Variants in CTNNA2 observed in about 807,000 individuals in gnomAD.
CTNNA2 encodes the protein catenin alpha 2, also known as catenin alpha-2.
In CTNNA2, 42 loss-of-function variants were observed where a neutral mutation model predicts 101.0. The observed-to-expected ratio is 0.42, with a 90% CI of 0.32 to 0.54. The LOEUF is 0.54. Among genes scored for constraint, CTNNA2 ranks in the 20% least tolerant of loss-of-function variants. The probability of loss-of-function intolerance (pLI) is 0.14; values close to 1 mark genes in which losing one functional copy is unlikely to be tolerated. For synonymous variants in CTNNA2, 450 were observed against 456.4 expected, an observed-to-expected ratio of 0.99 and a Z score of 0.18; for missense variants, 871 against 1,223.1, an observed-to-expected ratio of 0.71 and a Z score of 4.29.
chr2:79,817,363 A>C (rs990582325), intron 3 of CTNNA2, among the ~76,000 whole-genome samples: 6 of 125,236 alleles, frequency 4.8e-5, no homozygotes, highest in Non-Finnish European at 6.3e-5. Context: ...GAGTTAAATC[A>C]GTGACTAAAT....
intron 1 of CTNNA2, among the ~76,000 whole-genome samples, chr2:79,636,565 G>A (rs906188413): frequency 6.6e-6 from 1 of 152,022 alleles, no homozygotes; most frequent in African/African-American, 2.4e-5. Flanking sequence ...ATTTCTGTGT[G>A]ATGAAATAAG....
At chr2:79,786,448 G>A (rs4350772) in intron 3 of CTNNA2, among the ~76,000 whole-genome samples, 27,175 of 151,792 alleles carry the variant, frequency 0.18, 4,304 homozygotes, top group African/African-American at 0.41. Context: ...TGAAACACAC[G>A]TCTTATTTTT....
At chr2:80,574,420 G>A in intron 13 of CTNNA2, 106 bp downstream of exon 13, 1 of 1,334,302 alleles carries the variant, frequency 7.5e-7, no homozygotes, top group Non-Finnish European at 9.9e-7. Flanking sequence ...AGTTTAACTT[G>A]GTAAGCTGTT....
intron 4 of CTNNA2, among the ~76,000 whole-genome samples, chr2:79,446,570 C>T (rs530949509): frequency 6.2e-4 from 94 of 152,196 alleles, no homozygotes; most frequent in Admixed American, 1.0e-3. Context: ...CTTGCCAAGG[C>T]TGCTCAAAGC....
At chr2:80,244,151 G>C (rs1671150738) in intron 7 of CTNNA2, among the ~76,000 whole-genome samples, 1 of 152,230 alleles carries the variant, frequency 6.6e-6, no homozygotes, top group Admixed American at 6.5e-5. Flanking sequence ...GCAGTATAGT[G>C]TTTGTCAGAA....
At chr2:79,729,853 C>G (rs1278416254) in intron 2 of CTNNA2, among the ~76,000 whole-genome samples, 1 of 151,988 alleles carries the variant, frequency 6.6e-6, no homozygotes, top group Non-Finnish European at 1.5e-5. Context: ...ATTTTACCAG[C>G]AGTTTGTAAT....
At chr2:80,585,111 T>TG (rs1162756033) in intron 14 of CTNNA2, among the ~76,000 whole-genome samples, 2 of 150,778 alleles carry the variant, frequency 1.3e-5, no homozygotes, top group East Asian at 3.9e-4. Flanking sequence ...GTTAGCCTCT[T>TG]GCTCTAGGCT....
chr2:80,423,968 T>C (rs1164563580), intron 9 of CTNNA2, among the ~76,000 whole-genome samples: 4 of 152,130 alleles, frequency 2.6e-5, no homozygotes, highest in African/African-American at 4.8e-5. Context: ...CGTTCTTTTT[T>C]TTTTTGAGAT....
At chr2:80,320,747 A>G (rs1175872780) in intron 7 of CTNNA2, among the ~76,000 whole-genome samples, 2 of 152,244 alleles carry the variant, frequency 1.3e-5, no homozygotes, top group African/African-American at 2.4e-5. Flanking sequence ...TATTTTATGT[A>G]TATATTTTAA....
At chr2:79,218,226 G>A (rs1394173903) in intron 2 of CTNNA2, among the ~76,000 whole-genome samples, 2 of 152,042 alleles carry the variant, frequency 1.3e-5, no homozygotes, top group African/African-American at 4.8e-5. Context: ...CTGCCCAAAG[G>A]CAGGAAGTGG....
At chr2:79,801,379 T>C (rs995275610) in intron 3 of CTNNA2, among the ~76,000 whole-genome samples, 7 of 152,176 alleles carry the variant, frequency 4.6e-5, no homozygotes, top group Non-Finnish European at 8.8e-5. Context: ...TAGTGGATAG[T>C]TAATGTAATA....
At chr2:79,459,743 CT>C (rs2104534386) in intron 4 of CTNNA2, among the ~76,000 whole-genome samples, 1 of 152,202 alleles carries the variant, frequency 6.6e-6, no homozygotes, top group Non-Finnish European at 1.5e-5. Flanking sequence ...AGCATTGGTC[CT>C]TTTGATCACT....
rs144168705 is a variant in CTNNA2, at chr2:80,055,980, T to G, written c.1056+146183T>G. On this transcript the variant is annotated intron_variant, in intron 7 of 18. Coordinates refer to ENST00000402739, the MANE Select transcript of CTNNA2 (RefSeq NM_001282597.3). ...AAGGGTTTAGTACAGAGATTGTGTTTAGCTGTGGATGGCTGAAAATCTAAA... is the reference window on the plus strand; with the variant it reads ...AAGGGTTTAGTACAGAGATTGTGTTGAGCTGTGGATGGCTGAAAATCTAAA... Among the ~76,000 whole-genome samples the G allele has an allele frequency of 2.9e-3, 440 of 152,324 alleles. 8 individuals are homozygous for G. Among genetic ancestry groups the G allele is most frequent in the Non-Finnish European group, 1.3e-3 (90 of 68,028 alleles).
At chr2:79,484,155 C>A (rs138313197) in intron 4 of CTNNA2, among the ~76,000 whole-genome samples, 2 of 152,204 alleles carry the variant, frequency 1.3e-5, no homozygotes, top group African/African-American at 2.4e-5. Context: ...GTAGGAAGAG[C>A]ACCTGAGCCC....
At chr2:80,445,621 G>A (rs1316863673) in intron 9 of CTNNA2, among the ~76,000 whole-genome samples, 4 of 152,166 alleles carry the variant, frequency 2.6e-5, no homozygotes, top group Admixed American at 2.0e-4. Flanking sequence ...AAAACTTGGT[G>A]TAGTGGTCTG....
intron 1 of CTNNA2, among the ~76,000 whole-genome samples, chr2:79,600,996 A>G (rs115268868): frequency 2.2e-3 from 340 of 152,268 alleles, no homozygotes; most frequent in African/African-American, 7.9e-3. Flanking sequence ...CAACCTATAA[A>G]TTTTAGGGGG....
At chr2:80,466,087 C>A (rs6712447) in intron 9 of CTNNA2, among the ~76,000 whole-genome samples, 41,795 of 152,028 alleles carry the variant, frequency 0.27, 6,610 homozygotes, top group East Asian at 0.66. Flanking sequence ...AATGAGAAAG[C>A]AACTTGTTAT....
intron 1 of CTNNA2, among the ~76,000 whole-genome samples, chr2:79,599,200 G>A (rs968855760): frequency 2.0e-5 from 3 of 152,078 alleles, no homozygotes; most frequent in Non-Finnish European, 4.4e-5. Context: ...CTTCATTACT[G>A]TAGATTTATA....
In CTNNA2 at chr2:80,387,103, A is replaced by T. The variant is rs549871936; in HGVS notation, c.1057-6108A>T. Among the ~76,000 whole-genome samples the T allele has an allele frequency of 3.3e-5, 5 of 152,264 alleles. No individual in the cohort carries two copies. The East Asian group carries it at 9.7e-4, about 29-fold the overall frequency. ...GGAGATCAAGACCATCTTGGCTAAC[A>T]TGGTGAAACCCCGTCTTTATTAAAA... On this transcript the variant is annotated intron_variant, in intron 7 of 18. Transcript: ENST00000402739.
Sources: gnomAD v4.1 joint callset for allele counts (sites outside exome capture counted in the v4.1 genomes callset) on GRCh38, gnomAD v4.1.1 for gene constraint, MANE v1.5 for transcripts, NCBI Gene and HGNC (gene_info 2026-07-23, HGNC 2026-07-21) for gene names.